ROR2: variants seen among roughly 807,000 people sequenced by gnomAD.
ROR2 encodes the protein tyrosine-protein kinase transmembrane receptor ROR2.
Under a neutral mutation model 74.9 loss-of-function variants are expected in ROR2, and 33 were observed. The ratio of observed to expected loss-of-function variants is 0.44; its 90% CI spans 0.33 to 0.59. The LOEUF (loss-of-function observed/expected upper bound fraction) is 0.59. ROR2 is among the 20% of genes least tolerant of loss of function. The pLI is 0.02. For missense variants in ROR2, 1,216 were observed against 1,313.8 expected, an observed-to-expected ratio of 0.93 and a Z score of 1.15; for synonymous variants, 586 against 558.7, an observed-to-expected ratio of 1.05 and a Z score of -0.69.
intron 1 of ROR2, among the ~76,000 whole-genome samples, chr9:91,917,905 TCATTCTTG>T (rs990509195): frequency 1.3e-5 from 2 of 152,178 alleles, no homozygotes; most frequent in African/African-American, 2.4e-5. Flanking sequence ...AGTAGAAAGC[TCATTCTTG>T]TATCAAACTG....
intron 1 of ROR2, among the ~76,000 whole-genome samples, chr9:91,781,614 GAA>G (rs1343432829): frequency 6.6e-6 from 1 of 152,210 alleles, no homozygotes; most frequent in Non-Finnish European, 1.5e-5. Context: ...ATTGCAGCTA[GAA>G]AACCAAACAG....
chr9:91,796,695 T>C (rs185147939), intron 1 of ROR2, among the ~76,000 whole-genome samples: 2 of 152,026 alleles, frequency 1.3e-5, no homozygotes, highest in Admixed American at 6.5e-5. Flanking sequence ...TAGATGGGGC[T>C]GATACACTGG....
chr9:91,769,412 C>T (rs190698332), intron 2 of ROR2, among the ~76,000 whole-genome samples: 180 of 152,290 alleles, frequency 1.2e-3, no homozygotes, highest in African/African-American at 4.2e-3. Context: ...CTACCTGTGC[C>T]CCTTAAGCAT....
At chr9:91,867,656 C>CTCTGTGTG (rs564755026) in intron 1 of ROR2, among the ~76,000 whole-genome samples, 7,862 of 131,278 alleles carry the variant, frequency 0.06, 266 homozygotes, top group East Asian at 0.073. Context: ...CACCCATGAG[C>CTCTGTGTG]TGTGTGTGTG....
intron 1 of ROR2, chr9:91,948,537 C>A (rs1032222099): frequency 3.1e-6 from 3 of 975,668 alleles, no homozygotes; most frequent in East Asian, 2.3e-4. Flanking sequence ...GAATGTCTGA[C>A]GTAATCAACA....
chr9:91,732,392 TG>T (rs942977688), intron 6 of ROR2, among the ~76,000 whole-genome samples: 2 of 152,110 alleles, frequency 1.3e-5, no homozygotes, highest in African/African-American at 4.8e-5. Flanking sequence ...AGAGGGGCAG[TG>T]GGGAGCATGC....
chr9:91,861,021 T>C (rs1008865832), intron 1 of ROR2, among the ~76,000 whole-genome samples: 2 of 152,198 alleles, frequency 1.3e-5, no homozygotes, highest in Non-Finnish European at 2.9e-5. Flanking sequence ...TAAAAAATAA[T>C]ATATTACTTA....
At chr9:91,846,546 G>A (rs1446940351) in intron 1 of ROR2, among the ~76,000 whole-genome samples, 1 of 152,138 alleles carries the variant, frequency 6.6e-6, no homozygotes, top group African/African-American at 2.4e-5. Context: ...CTTTGTCAGG[G>A]CATCTGGAGC....
At chr9:91,777,461 A>G (rs1172015036) in intron 1 of ROR2, among the ~76,000 whole-genome samples, 1 of 152,146 alleles carries the variant, frequency 6.6e-6, no homozygotes, top group African/African-American at 2.4e-5. Context: ...ATCTGGAATT[A>G]TAGGTAATTT....
chr9:91,765,540 G>A (rs2118887927), intron 2 of ROR2, among the ~76,000 whole-genome samples: 1 of 152,296 alleles, frequency 6.6e-6, no homozygotes. Flanking sequence ...ATTTCCTATA[G>A]CATGCTGGTA....
chr9:91,923,798 C>G (rs564437917), intron 1 of ROR2: 3 of 152,174 alleles, frequency 2.0e-5, no homozygotes, highest in African/African-American at 7.2e-5. Flanking sequence ...CATGGCTATC[C>G]GATGAGTCAG....
chr9:91,945,992 T>C (rs1250011552), intron 1 of ROR2, among the ~76,000 whole-genome samples: 1 of 152,160 alleles, frequency 6.6e-6, no homozygotes, highest in African/African-American at 2.4e-5. Flanking sequence ...ATTTTTACTT[T>C]CAAAACTCAA....
At position 91,888,390 on chromosome 9, in the gene ROR2, G is replaced by A. The variant is rs149699424; in HGVS notation, c.97+61477C>T. Among the ~76,000 whole-genome samples, 438 of 152,236 alleles carry A rather than the reference G, an allele frequency of 2.9e-3. 2 individuals are homozygous for A. The highest frequency in any genetic ancestry group is 9.9e-3 in the African/African-American group (413 of 41,532). On this transcript the variant is annotated intron_variant, in intron 1 of 8. Transcript: ENST00000375708. ...AGCAAATAGTGCCAGATTAGAGGAC[G>A]CAGATGCAGGAACACACCTGGGTAA...
chr9:91,932,661 C>CAA (rs200420615), intron 1 of ROR2, among the ~76,000 whole-genome samples: 12 of 129,720 alleles, frequency 9.3e-5, no homozygotes, highest in African/African-American at 2.3e-4. Flanking sequence ...GAGACTGTCT[C>CAA]AAAAAAAAAA....
At chr9:91,937,527 C>T (rs1278778194) in intron 1 of ROR2, among the ~76,000 whole-genome samples, 2 of 152,102 alleles carry the variant, frequency 1.3e-5, no homozygotes, top group African/African-American at 4.8e-5. Context: ...TTCCCACCTT[C>T]TCCTCTGGTC....
At chr9:91,907,195 G>A (rs980009279) in intron 1 of ROR2, among the ~76,000 whole-genome samples, 3 of 152,148 alleles carry the variant, frequency 2.0e-5, no homozygotes, top group Non-Finnish European at 4.4e-5. Flanking sequence ...TTTGTTCCAG[G>A]TGAAAAGCCC....
chr9:91,819,541 TTGAG>T (rs1340519007), intron 1 of ROR2, among the ~76,000 whole-genome samples: 1 of 151,504 alleles, frequency 6.6e-6, no homozygotes, highest in African/African-American at 2.4e-5. Flanking sequence ...GTGTCTGTCT[TTGAG>T]TGTGTATCTT....
At position 91,723,990 on chromosome 9, in the gene ROR2, G is replaced by C; in HGVS notation, c.2504C>G (p.Pro835Arg). 6.2e-7 allele frequency: 1 copy of C among 1,612,884 alleles called. No homozygotes were observed. The highest frequency in any genetic ancestry group is 2.2e-5 in the East Asian group (1 of 44,880). The change falls in exon 9 of 9, where the codon CCC (proline) becomes CGC (arginine). Residue 835 changes from proline to arginine, a missense_variant. Physicochemically the swap from Pro to Arg is moderately radical, Grantham distance 103. Coordinates refer to ENST00000375708, the MANE Select transcript of ROR2 (RefSeq NM_004560.4). ...QPVPAYGAYL[P>R]NFYPVQIPMQ... ...TGGGATCTGCACCGGGTAGAAGTTG[G>C]GCAGGTAGGCCCCATAGGCCGGCAC...
chr9:91,747,904 G>A (rs1825477624), intron 4 of ROR2, among the ~76,000 whole-genome samples: 1 of 152,148 alleles, frequency 6.6e-6, no homozygotes, highest in South Asian at 2.1e-4. Flanking sequence ...AAAGCACAGT[G>A]GTGGTTACCA....
Sources: allele counts gnomAD v4.1 joint callset (sites outside exome capture counted in the v4.1 genomes callset), GRCh38; gene constraint gnomAD v4.1.1; transcripts MANE v1.5; gene names NCBI Gene and HGNC (gene_info 2026-07-23, HGNC 2026-07-21).